Variants in AKT3 observed in about 807,000 individuals in gnomAD.
AKT3 encodes the protein RAC-gamma serine/threonine-protein kinase.
Under a neutral mutation model 65.3 loss-of-function variants are expected in AKT3, and 15 were observed. The observed-to-expected ratio is 0.23, with a 90% CI of 0.15 to 0.35. The LOEUF is 0.35. AKT3 is among the 10% of genes least tolerant of loss of function. The pLI is 1.00. For missense variants in AKT3, 243 were observed against 576.5 expected, an observed-to-expected ratio of 0.42 and a Z score of 5.92; for synonymous variants, 206 against 183.8, an observed-to-expected ratio of 1.12 and a Z score of -0.98.
intron 2 of AKT3, among the ~76,000 whole-genome samples, chr1:243,759,052 G>A (rs1481485202): frequency 6.6e-6 from 1 of 152,218 alleles, no homozygotes. Context: ...GGTGGCTCAT[G>A]CCTGTAATCC....
chr1:243,764,094 A>C (rs1028375909), intron 2 of AKT3, among the ~76,000 whole-genome samples: 1 of 152,082 alleles, frequency 6.6e-6, no homozygotes, highest in Non-Finnish European at 1.5e-5. Flanking sequence ...CAATCATATA[A>C]ATTTTGGTAA....
chr1:243,742,923 A>G (rs1319894100), intron 2 of AKT3, among the ~76,000 whole-genome samples: 1 of 151,992 alleles, frequency 6.6e-6, no homozygotes, highest in Non-Finnish European at 1.5e-5. Flanking sequence ...CATTGACTGC[A>G]ACAACAAACA....
intron 4 of AKT3, among the ~76,000 whole-genome samples, chr1:243,664,375 T>C (rs979772037): frequency 2.0e-5 from 3 of 151,514 alleles, no homozygotes; most frequent in African/African-American, 7.2e-5. Context: ...TTTTTGTGTG[T>C]GTGTTTTTTT....
chr1:243,719,962 C>T (rs936355986), intron 2 of AKT3, among the ~76,000 whole-genome samples: 2 of 152,156 alleles, frequency 1.3e-5, no homozygotes, highest in African/African-American at 4.8e-5. Context: ...TTCTTAAATA[C>T]TTACTTAATA....
chr1:243,527,902 C>G (rs1356643814), intron 12 of AKT3, among the ~76,000 whole-genome samples: 21 of 111,576 alleles, frequency 1.9e-4, no homozygotes, highest in African/African-American at 7.3e-4. Flanking sequence ...CACACACACA[C>G]ACACACACAC....
intron 6 of AKT3, among the ~76,000 whole-genome samples, chr1:243,622,234 T>A (rs983204823): frequency 3.3e-5 from 5 of 152,234 alleles, no homozygotes; most frequent in African/African-American, 9.6e-5. Flanking sequence ...GCTGGAACAT[T>A]CTTCCTTCAA....
At chr1:243,603,748 A>C (rs1572013390) in intron 8 of AKT3, among the ~76,000 whole-genome samples, 1 of 152,230 alleles carries the variant, frequency 6.6e-6, no homozygotes, top group East Asian at 1.9e-4. Flanking sequence ...CTATTTTTAT[A>C]AATACTCCAG....
chr1:243,595,972 C>T lies in AKT3; in HGVS notation c.696+17699G>A, dbSNP rs767920739. Among the ~76,000 whole-genome samples, 8 of 152,214 alleles carry T rather than the reference C, an allele frequency of 5.3e-5. 1 individual carries two copies. The highest frequency in any genetic ancestry group is 2.1e-4 in the South Asian group (1 of 4,812). ...TGCATGTGCTATGTTTCTACACAAC[C>T]GGCAGCACAGGTTTGCTTACACCAG... On this transcript the variant is annotated intron_variant, in intron 8 of 13. Coordinates refer to ENST00000673466, the MANE Select transcript of AKT3 (RefSeq NM_005465.7).
At chr1:243,711,906 T>C (rs542534861) in intron 2 of AKT3, among the ~76,000 whole-genome samples, 1 of 152,342 alleles carries the variant, frequency 6.6e-6, no homozygotes, top group South Asian at 2.1e-4. Flanking sequence ...CTACTAAGAT[T>C]TAGCAAATGG....
chr1:243,668,077 GTTT>G (rs1301273360), intron 3 of AKT3, among the ~76,000 whole-genome samples: 1 of 152,086 alleles, frequency 6.6e-6, no homozygotes, highest in African/African-American at 2.4e-5. Flanking sequence ...TTGATATGAA[GTTT>G]TTTAGTATCT....
intron 8 of AKT3, among the ~76,000 whole-genome samples, chr1:243,578,845 T>C (rs1675130842): frequency 6.6e-6 from 1 of 151,982 alleles, no homozygotes; most frequent in South Asian, 2.1e-4. Context: ...GCAGACACAA[T>C]GAGAGAAAAC....
chr1:243,552,700 T>A (rs751767085), intron 11 of AKT3, 29 bp downstream of exon 11: 1 of 1,578,512 alleles, frequency 6.3e-7, no homozygotes, highest in East Asian at 2.2e-5. Context: ...CATTCATCAG[T>A]AATTCACTAA....
chr1:243,596,287 A>T (rs1312806738), intron 8 of AKT3, among the ~76,000 whole-genome samples: 1 of 152,234 alleles, frequency 6.6e-6, no homozygotes, highest in Non-Finnish European at 1.5e-5. Context: ...CTCAAAAGAC[A>T]TCACTGAGAA....
chr1:243,573,095 G>A (rs2148507887), intron 8 of AKT3, 47 bp from the exon 9 acceptor site: 1 of 1,599,696 alleles, frequency 6.3e-7, no homozygotes, highest in Non-Finnish European at 8.5e-7. Flanking sequence ...TACTGATTTA[G>A]TGGGGGAAAT....
intron 3 of AKT3, among the ~76,000 whole-genome samples, chr1:243,686,695 T>G (rs1274592484): frequency 1.7e-5 from 2 of 118,896 alleles, no homozygotes; most frequent in African/African-American, 6.4e-5. Context: ...TGAGACAAAG[T>G]CTTGCTCTGT....
chr1:243,792,359 TAAAAGTCAGC>T (rs1691685899), intron 2 of AKT3, among the ~76,000 whole-genome samples: 2 of 152,118 alleles, frequency 1.3e-5, no homozygotes, highest in Non-Finnish European at 1.5e-5. Context: ...ACATTATAGA[TAAAAGTCAGC>T]AAAAGAGATA....
At chr1:243,541,427 CT>C (rs35766979) in intron 12 of AKT3, among the ~76,000 whole-genome samples, 27,973 of 148,498 alleles carry the variant, frequency 0.19, 6,202 homozygotes, top group African/African-American at 0.54. Flanking sequence ...TAGGTCTTGC[CT>C]TTTTTTTTTA....
In AKT3 at chr1:243,845,443, A is replaced by C. The variant is rs567607667; in HGVS notation, c.-112-2161T>G. ...ACATGGCAAAACCCATCTCCACAAAAAATACAAAAATTAGCTGGGAGTGGT... is the reference window on the plus strand; with the variant it reads ...ACATGGCAAAACCCATCTCCACAAACAATACAAAAATTAGCTGGGAGTGGT... On this transcript the variant is annotated intron_variant, in intron 1 of 13. Transcript: ENST00000673466. Among the ~76,000 whole-genome samples, 5 of 139,572 alleles carry C rather than the reference A, an allele frequency of 3.6e-5. No homozygotes were observed. In the East Asian group the frequency reaches 1.1e-3, roughly 30 times the overall value. 91.6% of individuals were successfully genotyped at this position (139,572 alleles called of 152,430 possible). A position where few individuals can be genotyped will look rare whatever the true frequency, so the allele number is the denominator to read the frequency against.
chr1:243,609,252 T>TA (rs201067292), intron 8 of AKT3, among the ~76,000 whole-genome samples: 82 of 143,100 alleles, frequency 5.7e-4, no homozygotes, highest in South Asian at 8.8e-4. Context: ...TCTGATAATC[T>TA]AAAAAAAAAA....
Sources: allele counts gnomAD v4.1 joint callset (sites outside exome capture counted in the v4.1 genomes callset), GRCh38; gene constraint gnomAD v4.1.1; transcripts MANE v1.5; gene names NCBI Gene and HGNC (gene_info 2026-07-23, HGNC 2026-07-21).